The following NSUN4 variants were observed in gnomAD, a reference collection of about 807,000 sequenced individuals.
NSUN4 encodes the protein 5-cytosine rRNA methyltransferase NSUN4.
In NSUN4, 31 loss-of-function variants were observed where a neutral mutation model predicts 43.8. The ratio of observed to expected loss-of-function variants is 0.71; its 90% CI spans 0.53 to 0.96. The LOEUF is 0.96. NSUN4 is among the 40% of genes least tolerant of loss of function. The pLI, the probability that NSUN4 is intolerant of heterozygous loss-of-function variation, is 0.00. For synonymous variants in NSUN4, 167 were observed against 184.1 expected, an observed-to-expected ratio of 0.91 and a Z score of 0.75; for missense variants, 439 against 475.6, an observed-to-expected ratio of 0.92 and a Z score of 0.72.
the NSUN4 span, among the ~76,000 whole-genome samples, chr1:46,381,904 G>A: frequency 6.6e-6 from 1 of 152,114 alleles, no homozygotes; most frequent in African/African-American, 2.4e-5. Context: ...ACTTGTAAAG[G>A]GTTATCAGTG....
rs202026260 is a variant in NSUN4 at position 46,349,163 on chromosome 1, G to A, written c.592+2088G>A. 3.5e-5 allele frequency among the ~76,000 whole-genome samples: 5 copies of A among 144,826 alleles called. No homozygotes were observed. In the East Asian group the frequency reaches 8.2e-4, roughly 24 times the overall value. ...TTTTTTGTTTTTTTTTTTTTGAGAC[G>A]GAGTCTTGTTCTGTCACCCAGGCTG... On this transcript the variant is annotated intron_variant, in intron 3 of 5. Coordinates refer to ENST00000474844, the MANE Select transcript of NSUN4 (RefSeq NM_199044.4).
chr1:46,354,208 G>C (rs916710725), intron 4 of NSUN4, among the ~76,000 whole-genome samples: 4 of 151,854 alleles, frequency 2.6e-5, no homozygotes, highest in African/African-American at 9.7e-5. Flanking sequence ...CTGGGCTCAA[G>C]GGGTCCTCCT....
Position 46,359,952 on chromosome 1 carries a change from G to A in NSUN4, c.754-752G>A, listed in dbSNP as rs573020083. On this transcript the variant is annotated intron_variant, in intron 4 of 5. Transcript: ENST00000474844. ...CCTACAAAAATACAAAAATTAGGCC[G>A]GGCATGGTGGCTCATGCCTGTAATC... 4.2e-4 allele frequency among the ~76,000 whole-genome samples: 63 copies of A among 151,682 alleles called. 1 individual carries two copies. The highest frequency in any genetic ancestry group is 1.8e-3 in the Admixed American group (28 of 15,210).
downstream of NSUN4, among the ~76,000 whole-genome samples, chr1:46,369,646 GC>G (rs1178185893): frequency 6.6e-6 from 1 of 152,148 alleles, no homozygotes; most frequent in Non-Finnish European, 1.5e-5. Flanking sequence ...TGTTGGGAGT[GC>G]CCTAGCAGAG....
intron 1 of NSUN4, chr1:46,341,507 A>C: frequency 9.5e-7 from 1 of 1,050,600 alleles, no homozygotes; most frequent in Non-Finnish European, 1.1e-6. Flanking sequence ...GGTGCAACGA[A>C]TCCTCTCATC....
chr1:46,354,175 C>T (rs1283016133), intron 4 of NSUN4, among the ~76,000 whole-genome samples: 4 of 151,534 alleles, frequency 2.6e-5, no homozygotes, highest in African/African-American at 4.9e-5. Flanking sequence ...GGTGTGAACA[C>T]GGCTCACTGC....
rs1219495422 is a variant in NSUN4, at chr1:46,361,593, C to T, written c.902C>T (p.Pro301Leu). 2 of 1,614,076 alleles carry T rather than the reference C, an allele frequency of 1.2e-6. No homozygotes were observed. Among genetic ancestry groups the T allele is most frequent in the Admixed American group, 3.3e-5 (2 of 60,024 alleles). ...LLAAGLLATK[P>L]GGHVVYSTCS... ...AGGGCTGGACTCCTTGCCACCAAACCAGGAGGCCATGTTGTCTATTCTACC... is the reference window on the plus strand; with the variant it reads ...AGGGCTGGACTCCTTGCCACCAAACTAGGAGGCCATGTTGTCTATTCTACC... The change falls in exon 6 of 6, where the codon CCA becomes CTA. Residue 301 changes from proline (P) to leucine (L), a missense_variant. Physicochemically the swap from Pro to Leu is moderately conservative, Grantham distance 98 (BLOSUM62 -3). Coordinates refer to ENST00000474844, the MANE Select transcript of NSUN4 (RefSeq NM_199044.4).
chr1:46,374,780 C>T, the NSUN4 span, among the ~76,000 whole-genome samples: 1 of 151,766 alleles, frequency 6.6e-6, no homozygotes, highest in Non-Finnish European at 1.5e-5. Flanking sequence ...GGAAGGATTG[C>T]TTGAGCCCAG....
At chr1:46,382,606 CTTT>C in the NSUN4 span, among the ~76,000 whole-genome samples, 2 of 142,378 alleles carry the variant, frequency 1.4e-5, no homozygotes, top group Non-Finnish European at 1.5e-5. Flanking sequence ...AAAAATGCTT[CTTT>C]TTTTTTTTTT....
In NSUN4 at chr1:46,364,892, A is replaced by G. The variant is rs1292031711; in HGVS notation, c.*3046A>G. The G allele has an allele frequency of 2.0e-5, 3 of 152,236 alleles. No individual in the cohort carries two copies. The East Asian group carries it at 5.8e-4, about 29-fold the overall frequency. The allele number at this position is 152,236 out of a possible 1,614,324, so 9.4% of individuals were successfully genotyped here. A position where few individuals can be genotyped will look rare whatever the true frequency, so the allele number is the denominator to read the frequency against. On this transcript the variant is annotated 3_prime_UTR_variant, in exon 6 of 6. Coordinates refer to ENST00000474844, the MANE Select transcript of NSUN4 (RefSeq NM_199044.4). Reference sequence around the variant, plus strand: ...TCAATCCAAAGGCACTTTGCAGTGCAGTCCACATGTGCATAAGGACCATGG... The same window carrying G: ...TCAATCCAAAGGCACTTTGCAGTGCGGTCCACATGTGCATAAGGACCATGG...
chr1:46,382,429 G>C, the NSUN4 span, among the ~76,000 whole-genome samples: 2 of 152,182 alleles, frequency 1.3e-5, no homozygotes, highest in Admixed American at 1.3e-4. Flanking sequence ...ATAGGGAAGA[G>C]CTCTGGCTTC....
At chr1:46,381,910 C>G in the NSUN4 span, among the ~76,000 whole-genome samples, 1 of 152,256 alleles carries the variant, frequency 6.6e-6, no homozygotes, top group Non-Finnish European at 1.5e-5. Context: ...AAAGGGTTAT[C>G]AGTGCTGAGT....
intron 3 of NSUN4, 31 bp downstream of exon 3, chr1:46,347,106 G>A: frequency 6.2e-7 from 1 of 1,604,612 alleles, no homozygotes; most frequent in Non-Finnish European, 8.5e-7. Context: ...GTTGGGCAGA[G>A]AGAGCTCCCC....
At chr1:46,349,536 G>A (rs1475319685) in intron 3 of NSUN4, among the ~76,000 whole-genome samples, 1 of 152,194 alleles carries the variant, frequency 6.6e-6, no homozygotes, top group East Asian at 1.9e-4. Context: ...ACAAAGGGCC[G>A]TAATTTACAC....
intron 3 of NSUN4, among the ~76,000 whole-genome samples, chr1:46,348,204 C>T (rs1330993417): frequency 6.6e-6 from 1 of 152,088 alleles, no homozygotes; most frequent in Non-Finnish European, 1.5e-5. Flanking sequence ...CTCACTTCAG[C>T]CATCCACTGG....
At chr1:46,355,924 GA>G (rs1196625245) in intron 4 of NSUN4, among the ~76,000 whole-genome samples, 1 of 151,826 alleles carries the variant, frequency 6.6e-6, no homozygotes, top group Non-Finnish European at 1.5e-5. Flanking sequence ...TGAGGCAGGA[GA>G]ATTGCTTGAA....
chr1:46,380,247 A>T, the NSUN4 span, among the ~76,000 whole-genome samples: 3 of 152,218 alleles, frequency 2.0e-5, no homozygotes, highest in African/African-American at 7.2e-5. Context: ...CTGAAGACAC[A>T]TAAGAATAAC....
At chr1:46,368,384 A>G (rs775634855), downstream of NSUN4, among the ~76,000 whole-genome samples, 1 of 152,176 alleles carries the variant, frequency 6.6e-6, no homozygotes, top group Admixed American at 6.5e-5. Context: ...TGTTTTGACC[A>G]GTAAAGTCTG....
chr1:46,370,379 A>G, the NSUN4 span, among the ~76,000 whole-genome samples: 1 of 152,200 alleles, frequency 6.6e-6, no homozygotes, highest in Non-Finnish European at 1.5e-5. Context: ...ATTAGTGGTC[A>G]TGAAGTCAAT....
Sources: gnomAD v4.1 joint callset for allele counts (sites outside exome capture counted in the v4.1 genomes callset) on GRCh38, gnomAD v4.1.1 for gene constraint, MANE v1.5 for transcripts, NCBI Gene and HGNC (gene_info 2026-07-23, HGNC 2026-07-21) for gene names.